SCFD2: variants seen among roughly 807,000 people sequenced by gnomAD.
The protein encoded by SCFD2 is sec1 family domain containing 2.
Under a neutral mutation model 58.9 loss-of-function variants are expected in SCFD2, and 54 were observed. That is an observed-to-expected ratio of 0.92 (90% CI 0.74 to 1.15). The LOEUF (loss-of-function observed/expected upper bound fraction) is 1.15. SCFD2 is among the 50% of genes most tolerant of loss of function. The probability of loss-of-function intolerance (pLI) is 0.00; values close to 1 mark genes in which losing one functional copy is unlikely to be tolerated. For missense variants in SCFD2, 805 were observed against 836.6 expected (o/e 0.96, Z 0.47); for synonymous variants, 321 against 335.9 (o/e 0.96, Z 0.49).
At chr4:52,967,201 T>G (rs1281764813) in intron 5 of SCFD2, among the ~76,000 whole-genome samples, 6 of 152,228 alleles carry the variant, frequency 3.9e-5, no homozygotes, top group Non-Finnish European at 8.8e-5. Context: ...CAAGGGCATG[T>G]TGCTGCACAT....
chr4:53,357,179 T>C (rs1221802221), intron 1 of SCFD2, among the ~76,000 whole-genome samples: 1 of 152,104 alleles, frequency 6.6e-6, no homozygotes, highest in African/African-American at 2.4e-5. Flanking sequence ...CTCAGCACTT[T>C]GGGAGGCTGA....
intron 4 of SCFD2, among the ~76,000 whole-genome samples, chr4:53,199,896 C>G (rs1275932573): frequency 1.3e-5 from 2 of 152,028 alleles, no homozygotes; most frequent in Middle Eastern, 3.4e-3. Context: ...TGGCTTTTTT[C>G]ATGTGTATTC....
chr4:53,000,793 T>C (rs1336142834), intron 5 of SCFD2, among the ~76,000 whole-genome samples: 1 of 152,162 alleles, frequency 6.6e-6, no homozygotes, highest in Non-Finnish European at 1.5e-5. Context: ...TAGCAACAAC[T>C]CAACATGTGC....
At chr4:53,087,691 G>A (rs1338671296) in intron 5 of SCFD2, among the ~76,000 whole-genome samples, 4 of 124,048 alleles carry the variant, frequency 3.2e-5, no homozygotes, top group Non-Finnish European at 6.4e-5. Context: ...ACGGAGTCTC[G>A]CTGTGTCCCC....
chr4:53,148,248 C>T (rs1726396013), intron 4 of SCFD2, among the ~76,000 whole-genome samples: 1 of 152,156 alleles, frequency 6.6e-6, no homozygotes, highest in African/African-American at 2.4e-5. Flanking sequence ...AAGATTCATT[C>T]ACTAACATCT....
rs142418510 is a variant in SCFD2, at chr4:53,309,180, G to A, written c.1135+4456C>T. Among the ~76,000 whole-genome samples, 8 of 151,496 alleles carry A rather than the reference G, an allele frequency of 5.3e-5. No homozygotes were observed. In the East Asian group the frequency reaches 1.5e-3, roughly 29 times the overall value. On this transcript the variant is annotated intron_variant, in intron 3 of 8. Transcript: ENST00000401642. ...AGTACAGTACAGTGTTCAAAATAGG[G>A]GAAAAACAAGACAACATCTTTGTTC...
rs1271353029 is a variant in SCFD2, at chr4:52,920,638, AG to A, written c.1707+86del. 9.6e-6 allele frequency: 9 copies of A among 940,852 alleles called. No individual in the cohort carries two copies. The South Asian group carries it at 1.9e-4, about 20-fold the overall frequency. 58.3% of individuals were successfully genotyped at this position (940,852 alleles called of 1,614,324 possible). On this transcript the variant is annotated intron_variant, in intron 6 of 8. Coordinates refer to ENST00000401642, the MANE Select transcript of SCFD2 (RefSeq NM_152540.4). Reference sequence around the variant, plus strand: ...CTAGAACAAACCTTTGGTTTTAGGAAGGTTAAAAGGGAACCTTTTCTTCTAT... The same window carrying A: ...CTAGAACAAACCTTTGGTTTTAGGAAGTTAAAAGGGAACCTTTTCTTCTAT...
intron 5 of SCFD2, among the ~76,000 whole-genome samples, chr4:53,140,505 T>C (rs571636584): frequency 2.0e-5 from 3 of 151,076 alleles, no homozygotes; most frequent in Admixed American, 6.6e-5. Context: ...GGGCAACCAA[T>C]AGATTTCAAT....
chr4:53,029,602 G>T (rs1185914028), intron 5 of SCFD2, among the ~76,000 whole-genome samples: 2 of 152,150 alleles, frequency 1.3e-5, no homozygotes, highest in African/African-American at 4.8e-5. Context: ...CATTTCTTGG[G>T]TAAATTTAGA....
At chr4:53,278,549 A>AT (rs1731407830) in intron 3 of SCFD2, among the ~76,000 whole-genome samples, 2 of 151,862 alleles carry the variant, frequency 1.3e-5, no homozygotes, top group Admixed American at 1.3e-4. Context: ...AAAAAGTCAA[A>AT]TTTTTTATCC....
chr4:53,217,626 C>G (rs1728893813), intron 4 of SCFD2, among the ~76,000 whole-genome samples: 1 of 152,172 alleles, frequency 6.6e-6, no homozygotes, highest in Non-Finnish European at 1.5e-5. Context: ...TTAATCGGAG[C>G]ATTTAGCCCA....
At chr4:53,129,837 A>C (rs1270337275) in intron 5 of SCFD2, among the ~76,000 whole-genome samples, 1 of 152,200 alleles carries the variant, frequency 6.6e-6, no homozygotes, top group African/African-American at 2.4e-5. Flanking sequence ...TGGTGGCCTT[A>C]ATACACCAAC....
At chr4:53,077,605 T>A (rs1724015791) in intron 5 of SCFD2, among the ~76,000 whole-genome samples, 1 of 151,990 alleles carries the variant, frequency 6.6e-6, no homozygotes, top group African/African-American at 2.4e-5. Flanking sequence ...ACCCAGCTAA[T>A]TTTTGTATTT....
chr4:53,275,934 T>C (rs1731312918), intron 3 of SCFD2, among the ~76,000 whole-genome samples: 1 of 152,256 alleles, frequency 6.6e-6, no homozygotes, highest in South Asian at 2.1e-4. Flanking sequence ...TATTTATCTA[T>C]TCACTAGTTA....
chr4:53,148,722 A>T (rs878997769), intron 4 of SCFD2, among the ~76,000 whole-genome samples: 3 of 152,200 alleles, frequency 2.0e-5, no homozygotes, highest in Non-Finnish European at 2.9e-5. Flanking sequence ...ATAAATGCTC[A>T]AAAAAGGCCA....
intron 4 of SCFD2, among the ~76,000 whole-genome samples, chr4:53,252,582 A>G (rs1384965481): frequency 6.6e-6 from 1 of 151,268 alleles, no homozygotes; most frequent in African/African-American, 2.4e-5. Flanking sequence ...ATAACACCGC[A>G]TATCTACAAC....
At chr4:53,162,634 ACTGGTGTGAGAT>A (rs1457675005) in intron 4 of SCFD2, among the ~76,000 whole-genome samples, 2 of 151,534 alleles carry the variant, frequency 1.3e-5, no homozygotes, top group Non-Finnish European at 1.5e-5. Context: ...TGCCATTCTA[ACTGGTGTGAGAT>A]GGTATCTCAT....
intron 5 of SCFD2, among the ~76,000 whole-genome samples, chr4:53,103,955 A>G (rs971360147): frequency 6.6e-6 from 1 of 151,796 alleles, no homozygotes; most frequent in African/African-American, 2.4e-5. Flanking sequence ...AATACAAAAT[A>G]AATATGTATC....
chr4:53,301,841 A>G (rs1732313211), intron 3 of SCFD2, among the ~76,000 whole-genome samples: 2 of 152,128 alleles, frequency 1.3e-5, no homozygotes, highest in South Asian at 4.2e-4. Context: ...ACAGAACCAA[A>G]GACAAAAACC....
Sources: allele counts gnomAD v4.1 joint callset (sites outside exome capture counted in the v4.1 genomes callset), GRCh38; gene constraint gnomAD v4.1.1; transcripts MANE v1.5; gene names NCBI Gene and HGNC (gene_info 2026-07-23, HGNC 2026-07-21).